CTNNBL1: variants seen among roughly 807,000 people sequenced by gnomAD.
The protein encoded by CTNNBL1 is beta-catenin-like protein 1.
A neutral mutation model predicts 72.7 loss-of-function variants in CTNNBL1; 31 were observed. The observed-to-expected ratio is 0.43, with a 90% CI of 0.32 to 0.58. The LOEUF is 0.58. Among genes scored for constraint, CTNNBL1 ranks in the 20% least tolerant of loss-of-function variants. The pLI is 0.08. For missense variants in CTNNBL1, 534 were observed against 725.1 expected, an observed-to-expected ratio of 0.74 and a Z score of 3.03; for synonymous variants, 240 against 267.3, an observed-to-expected ratio of 0.90 and a Z score of 1.00.
chr20:37,777,273 C>A, intron 7 of CTNNBL1, 72 bp from the exon 8 acceptor site: 1 of 1,163,390 alleles, frequency 8.6e-7, no homozygotes, highest in Non-Finnish European at 1.3e-6. Context: ...TCATAGTACT[C>A]GTGAAAAATT....
chr20:37,794,812 T>C (rs1474804131), intron 10 of CTNNBL1, among the ~76,000 whole-genome samples: 1 of 152,176 alleles, frequency 6.6e-6, no homozygotes, highest in Non-Finnish European at 1.5e-5. Context: ...GCCTTCATCT[T>C]TGAAATATAT....
chr20:37,725,899 G>A (rs1209648892), intron 1 of CTNNBL1, among the ~76,000 whole-genome samples: 1 of 151,952 alleles, frequency 6.6e-6, no homozygotes, highest in African/African-American at 2.4e-5. Flanking sequence ...CAGGAGAATC[G>A]CTTGAACCCT....
At chr20:37,764,164 A>G (rs560804129) in intron 5 of CTNNBL1, among the ~76,000 whole-genome samples, 1 of 152,294 alleles carries the variant, frequency 6.6e-6, no homozygotes, top group Non-Finnish European at 1.5e-5. Context: ...ACTCTTTAGC[A>G]CTTATCCCCA....
At chr20:37,749,568 C>T (rs913263471) in intron 4 of CTNNBL1, among the ~76,000 whole-genome samples, 2 of 152,098 alleles carry the variant, frequency 1.3e-5, no homozygotes, top group African/African-American at 4.8e-5. Context: ...GTATGCCAAC[C>T]TGCACCCAAC....
At chr20:37,708,457 C>A (rs537641234) in intron 1 of CTNNBL1, among the ~76,000 whole-genome samples, 2 of 152,200 alleles carry the variant, frequency 1.3e-5, no homozygotes, top group African/African-American at 4.8e-5. Flanking sequence ...CAGGTGTGAG[C>A]CACCGCGCCC....
chr20:37,721,266 G>A, intron 1 of CTNNBL1, among the ~76,000 whole-genome samples: 1 of 152,144 alleles, frequency 6.6e-6, no homozygotes. Flanking sequence ...GCTAACTCAC[G>A]ACTGTGGAGC....
intron 6 of CTNNBL1, among the ~76,000 whole-genome samples, chr20:37,765,765 G>A (rs1393568003): frequency 6.6e-6 from 1 of 152,128 alleles, no homozygotes; most frequent in African/African-American, 2.4e-5. Flanking sequence ...AGACTACCAC[G>A]TAAACTGTGA....
chr20:37,695,116 T>C (rs2072779680), intron 1 of CTNNBL1: 3 of 152,190 alleles, frequency 2.0e-5, no homozygotes, highest in African/African-American at 7.2e-5. Flanking sequence ...GTACTGATTA[T>C]ATCAATTACA....
At chr20:37,713,977 A>G (rs1277508598) in intron 1 of CTNNBL1, among the ~76,000 whole-genome samples, 1 of 152,108 alleles carries the variant, frequency 6.6e-6, no homozygotes, top group Middle Eastern at 3.2e-3. Context: ...GAGGAAAGGA[A>G]GCTCACAGAG....
intron 11 of CTNNBL1, among the ~76,000 whole-genome samples, chr20:37,813,440 T>A (rs1280313601): frequency 1.3e-5 from 2 of 152,192 alleles, no homozygotes; most frequent in East Asian, 1.9e-4. Context: ...GTTTTACAGG[T>A]CATAGGTATA....
intron 4 of CTNNBL1, among the ~76,000 whole-genome samples, chr20:37,748,385 G>A (rs191976805): frequency 2.0e-5 from 3 of 152,276 alleles, no homozygotes; most frequent in Admixed American, 1.3e-4. Context: ...TTTGCTGTGG[G>A]GTTCTGGGTT....
chr20:37,745,269 T>C (rs2073252912), intron 3 of CTNNBL1, among the ~76,000 whole-genome samples: 1 of 152,200 alleles, frequency 6.6e-6, no homozygotes. Context: ...CCCCACAGCA[T>C]CTGGAAGTTG....
chr20:37,768,495 T>C (rs1332546934), intron 7 of CTNNBL1, among the ~76,000 whole-genome samples: 1 of 152,260 alleles, frequency 6.6e-6, no homozygotes, highest in Non-Finnish European at 1.5e-5. Context: ...ACTATGCTGA[T>C]GTACCAAAAT....
In CTNNBL1 at chr20:37,707,133, T is replaced by C. The variant is rs572554805; in HGVS notation, c.30+12981T>C. Among the ~76,000 whole-genome samples, 21 of 152,298 alleles carry C rather than the reference T, an allele frequency of 1.4e-4. 1 individual carries two copies. In the South Asian group the frequency reaches 4.4e-3, roughly 32 times the overall value. On this transcript the variant is annotated intron_variant, in intron 1 of 15. Transcript: ENST00000361383. ...TTCTAGAACACAGGCAGGGTAGATT[T>C]AGCATAATTCCCAAGGGCCCTAGGA...
chr20:37,806,809 A>G (rs973371746), intron 11 of CTNNBL1, among the ~76,000 whole-genome samples: 1 of 152,170 alleles, frequency 6.6e-6, no homozygotes, highest in Admixed American at 6.5e-5. Flanking sequence ...GTCCAATCAG[A>G]GTTAGGAGGG....
At chr20:37,848,742 A>T (rs963492729) in intron 13 of CTNNBL1, among the ~76,000 whole-genome samples, 1 of 152,102 alleles carries the variant, frequency 6.6e-6, no homozygotes, top group Non-Finnish European at 1.5e-5. Flanking sequence ...GACCTTGGGC[A>T]CTGTTTTGCC....
At chr20:37,804,349 C>A (rs1314829389) in intron 11 of CTNNBL1, among the ~76,000 whole-genome samples, 1 of 152,054 alleles carries the variant, frequency 6.6e-6, no homozygotes, top group Non-Finnish European at 1.5e-5. Flanking sequence ...CCTGGCCCGG[C>A]TGCACTATTC....
At chr20:37,765,631 T>G (rs1352920123) in intron 6 of CTNNBL1, among the ~76,000 whole-genome samples, 1 of 152,248 alleles carries the variant, frequency 6.6e-6, no homozygotes, top group Non-Finnish European at 1.5e-5. Context: ...TTAAACATTT[T>G]AAATCCTTTT....
intron 4 of CTNNBL1, chr20:37,749,841 T>A (rs1441369129): frequency 6.6e-6 from 1 of 152,150 alleles, no homozygotes; most frequent in Non-Finnish European, 1.5e-5. Flanking sequence ...TTATCTGTGA[T>A]CTATAATAGA....
Sources: gnomAD v4.1 joint callset for allele counts (sites outside exome capture counted in the v4.1 genomes callset) on GRCh38, gnomAD v4.1.1 for gene constraint, MANE v1.5 for transcripts, NCBI Gene and HGNC (gene_info 2026-07-23, HGNC 2026-07-21) for gene names.